MAGI3: variants seen among roughly 807,000 people sequenced by gnomAD.
The protein encoded by MAGI3 is membrane associated guanylate kinase, WW and PDZ domain containing 3, also known as membrane-associated guanylate kinase, WW and PDZ domain-containing protein 3.
Under a neutral mutation model 121.8 loss-of-function variants are expected in MAGI3, and 43 were observed. The observed-to-expected ratio is 0.35, with a 90% CI of 0.28 to 0.46. The LOEUF (loss-of-function observed/expected upper bound fraction) is 0.46. Ranked by LOEUF, MAGI3 falls within the 20% of genes least tolerant of loss-of-function variation. The probability of loss-of-function intolerance (pLI) is 1.00; values close to 1 mark genes in which losing one functional copy is unlikely to be tolerated. For missense variants in MAGI3, 1,547 were observed against 1,797.3 expected (o/e 0.86, Z 2.52); for synonymous variants, 553 against 639.3 (o/e 0.86, Z 2.04).
intron 9 of MAGI3, among the ~76,000 whole-genome samples, chr1:113,630,396 C>A (rs2101801622): frequency 6.6e-6 from 1 of 152,244 alleles, no homozygotes; most frequent in Non-Finnish European, 1.5e-5. Flanking sequence ...AAATGCTGAC[C>A]AAGAGCCTAG....
intron 1 of MAGI3, among the ~76,000 whole-genome samples, chr1:113,462,289 T>C (rs537501608): frequency 6.6e-6 from 1 of 152,266 alleles, no homozygotes; most frequent in South Asian, 2.1e-4. Context: ...CTATTCACAA[T>C]AGCAAAGATG....
intron 1 of MAGI3, among the ~76,000 whole-genome samples, chr1:113,480,461 C>T (rs1570737356): frequency 6.6e-6 from 1 of 151,890 alleles, no homozygotes; most frequent in East Asian, 1.9e-4. Context: ...AGTGGAATGG[C>T]CCTGGAATCT....
chr1:113,618,783 C>T (rs1271263986), intron 7 of MAGI3, among the ~76,000 whole-genome samples: 1 of 152,174 alleles, frequency 6.6e-6, no homozygotes, highest in Non-Finnish European at 1.5e-5. Context: ...AGATTCCAGG[C>T]GTGAGCCACT....
chr1:113,460,595 G>T (rs946912358), intron 1 of MAGI3, among the ~76,000 whole-genome samples: 1 of 152,136 alleles, frequency 6.6e-6, no homozygotes, highest in African/African-American at 2.4e-5. Context: ...GGATCATGAA[G>T]TCAGGAGATC....
chr1:113,505,976 A>G (rs1257730101), intron 1 of MAGI3, among the ~76,000 whole-genome samples: 1 of 152,122 alleles, frequency 6.6e-6, no homozygotes, highest in Non-Finnish European at 1.5e-5. Flanking sequence ...TGAGCACTGG[A>G]AGATTATGAC....
intron 16 of MAGI3, among the ~76,000 whole-genome samples, chr1:113,664,615 A>G (rs1653941968): frequency 6.6e-6 from 1 of 152,204 alleles, no homozygotes; most frequent in African/African-American, 2.4e-5. Flanking sequence ...CAGAGGGTAT[A>G]CATGTATTTG....
chr1:113,465,903 A>G (rs562334864), intron 1 of MAGI3, among the ~76,000 whole-genome samples: 1 of 152,022 alleles, frequency 6.6e-6, no homozygotes, highest in South Asian at 2.1e-4. Context: ...TTTTGGTAGA[A>G]TCTTTAGGTT....
chr1:113,461,944 A>G (rs575201420), intron 1 of MAGI3, among the ~76,000 whole-genome samples: 1 of 152,328 alleles, frequency 6.6e-6, no homozygotes, highest in East Asian at 1.9e-4. Context: ...GACATACATG[A>G]GGCCAACAAG....
intron 2 of MAGI3, among the ~76,000 whole-genome samples, chr1:113,559,788 C>T (rs1053459817): frequency 2.0e-5 from 3 of 152,070 alleles, no homozygotes; most frequent in Non-Finnish European, 4.4e-5. Context: ...CTGGGCTGGT[C>T]TCGAATTCCT....
intron 1 of MAGI3, among the ~76,000 whole-genome samples, chr1:113,536,147 T>TTG (rs1658973668): frequency 5.8e-5 from 4 of 69,368 alleles, no homozygotes; most frequent in African/African-American, 1.1e-4. Context: ...GACATGTGTT[T>TTG]TTTTTTTTTT....
intron 1 of MAGI3, among the ~76,000 whole-genome samples, chr1:113,497,221 G>GCCTGGGTGTC (rs1553192742): frequency 5.9e-5 from 7 of 118,468 alleles, no homozygotes; most frequent in African/African-American, 1.1e-4. Flanking sequence ...CACACCACTG[G>GCCTGGGTGTC]AATAGGAACA....
Position 113,683,503 on chromosome 1 carries a change from A to G in MAGI3, c.3935A>G (p.Lys1312Arg), listed in dbSNP as rs1223600506. The change falls in exon 21 of 21, where the codon AAG (lysine) becomes AGG (arginine). Residue 1312 changes from lysine (K) to arginine (R), a missense_variant. Coordinates refer to ENST00000307546, the MANE Select transcript of MAGI3 (RefSeq NM_001142782.2). ...GCTGAGGCCAAATTATTAGAGGGTA[A>G]GAGTCGAAGAATAGCAGGCTATACG... ...SNAEAKLLEG[K>R]SRRIAGYTGS... 9 of 1,613,896 alleles carry G rather than the reference A, an allele frequency of 5.6e-6. No homozygotes were observed. The highest frequency in any genetic ancestry group is 1.1e-5 in the South Asian group (1 of 91,088).
rs138925243 is a variant in MAGI3 at position 113,414,883 on chromosome 1, A to G, written c.316+23534A>G. Among the ~76,000 whole-genome samples the G allele has an allele frequency of 5.5e-3, 837 of 152,238 alleles. 1 individual carries two copies. The highest frequency in any genetic ancestry group is 9.0e-3 in the Non-Finnish European group (612 of 67,980). Reference sequence around the variant, plus strand: ...TTACTAAAGCAGATTTAAATAAATGATGCTTATGTGTAAGACACTGCTGGA... The same window carrying G: ...TTACTAAAGCAGATTTAAATAAATGGTGCTTATGTGTAAGACACTGCTGGA... On this transcript the variant is annotated intron_variant, in intron 1 of 20. Transcript: ENST00000307546.
chr1:113,631,615 TAAAGGA>T (rs1225235255), intron 9 of MAGI3, among the ~76,000 whole-genome samples: 1 of 152,200 alleles, frequency 6.6e-6, no homozygotes, highest in Non-Finnish European at 1.5e-5. Flanking sequence ...TCTTGAATTA[TAAAGGA>T]TACTTTTGGA....
rs574594119 is a variant in MAGI3 at position 113,669,168 on chromosome 1, G to A, written c.2816-2566G>A. On this transcript the variant is annotated intron_variant, in intron 16 of 20. Transcript: ENST00000307546. ...TTAATAGTAACCATGAATTTACAGC[G>A]ACCGAAGACAATCGAACTCTATACT... Among the ~76,000 whole-genome samples, 20 of 152,276 alleles carry A rather than the reference G, an allele frequency of 1.3e-4. No individual in the cohort carries two copies. The East Asian group carries it at 1.7e-3, about 13-fold the overall frequency.
At chr1:113,517,795 T>G (rs1478086902) in intron 1 of MAGI3, among the ~76,000 whole-genome samples, 3 of 151,946 alleles carry the variant, frequency 2.0e-5, no homozygotes, top group Non-Finnish European at 4.4e-5. Context: ...TAGATTTGAG[T>G]CACAAAACCT....
intron 2 of MAGI3, among the ~76,000 whole-genome samples, chr1:113,563,519 G>C (rs1355269266): frequency 6.6e-6 from 1 of 152,152 alleles, no homozygotes; most frequent in Non-Finnish European, 1.5e-5. Context: ...CTAGCAGTCA[G>C]CTTCCCTGTG....
intron 1 of MAGI3, among the ~76,000 whole-genome samples, chr1:113,409,865 A>G (rs1056591211): frequency 2.0e-5 from 3 of 152,114 alleles, no homozygotes; most frequent in African/African-American, 7.2e-5. Flanking sequence ...ATCACTGCTA[A>G]ACCTACTCAG....
At chr1:113,441,717 A>C (rs1011641775) in intron 1 of MAGI3, among the ~76,000 whole-genome samples, 2 of 152,222 alleles carry the variant, frequency 1.3e-5, no homozygotes, top group African/African-American at 4.8e-5. Flanking sequence ...CCCAGTAAAA[A>C]GGCAGAAGCT....
Sources: gnomAD v4.1 joint callset for allele counts (sites outside exome capture counted in the v4.1 genomes callset) on GRCh38, gnomAD v4.1.1 for gene constraint, MANE v1.5 for transcripts, NCBI Gene and HGNC (gene_info 2026-07-23, HGNC 2026-07-21) for gene names.